HERC1: variants seen among roughly 807,000 people sequenced by gnomAD.
HERC1 encodes probable E3 ubiquitin-protein ligase HERC1.
Under a neutral mutation model 554.3 loss-of-function variants are expected in HERC1, and 160 were observed. The observed-to-expected ratio is 0.29, with a 90% confidence interval of 0.25 to 0.33. HERC1 has a LOEUF of 0.33. HERC1 is among the 10% of genes least tolerant of loss of function. The pLI, the probability that HERC1 is intolerant of heterozygous loss-of-function variation, is 1.00. For missense variants in HERC1, 4,919 were observed against 5,918.5 expected, an observed-to-expected ratio of 0.83 and a Z score of 5.54; for synonymous variants, 2,175 against 2,131.7, an observed-to-expected ratio of 1.02 and a Z score of -0.56.
intron 71 of HERC1, among the ~76,000 whole-genome samples, chr15:63,624,781 T>C (rs2068229239): frequency 6.6e-6 from 1 of 152,332 alleles, no homozygotes; most frequent in East Asian, 1.9e-4. Flanking sequence ...GAACTATTAG[T>C]AACCTTTAAA....
intron 67 of HERC1, among the ~76,000 whole-genome samples, chr15:63,633,587 G>GAGT (rs1282647093): frequency 6.6e-6 from 1 of 152,134 alleles, no homozygotes; most frequent in Non-Finnish European, 1.5e-5. Flanking sequence ...CCCTACATCA[G>GAGT]AGGTCCTACA....
rs964418556 is a variant in HERC1 at position 63,734,189 on chromosome 15, GA to G, written c.2646+534del. Among the ~76,000 whole-genome samples the G allele has an allele frequency of 3.9e-5, 6 of 152,070 alleles. No homozygotes were observed. The highest frequency in any genetic ancestry group is 8.8e-5 in the Non-Finnish European group (6 of 67,974). ...CTCCAAAAAAAGATTTAAAAAGAAAGAAAAGTATCAGTAAATATTACACTGC... is the reference window on the plus strand; with the variant it reads ...CTCCAAAAAAAGATTTAAAAAGAAAGAAAGTATCAGTAAATATTACACTGC... On this transcript the variant is annotated intron_variant, in intron 13 of 77. Transcript: ENST00000443617. This position sits in a 1 kb window ranked among gnomAD's most constrained non-coding sequence, Gnocchi z 4.6.
chr15:63,703,411 T>C (rs966344525), intron 25 of HERC1, among the ~76,000 whole-genome samples: 9 of 152,206 alleles, frequency 5.9e-5, no homozygotes, highest in African/African-American at 1.4e-4. Flanking sequence ...TATACACCCA[T>C]TGTCATTTAT....
At chr15:63,658,148 T>A (rs2070152141) in intron 48 of HERC1, among the ~76,000 whole-genome samples, 2 of 152,156 alleles carry the variant, frequency 1.3e-5, no homozygotes, top group Admixed American at 1.3e-4. Context: ...CTCATCCCCT[T>A]TTTACATTAC....
intron 1 of HERC1, among the ~76,000 whole-genome samples, chr15:63,809,152 T>C (rs1323545828): frequency 1.3e-5 from 2 of 151,952 alleles, no homozygotes; most frequent in South Asian, 2.1e-4. Context: ...TCAAAAGAAA[T>C]AGGGATGGAG....
chr15:63,833,308 G>A lies in HERC1; in HGVS notation c.-27+519C>T, dbSNP rs560830922. Among the ~76,000 whole-genome samples the A allele has an allele frequency of 2.1e-3, 323 of 152,340 alleles. 1 individual carries two copies. The highest frequency in any genetic ancestry group is 3.7e-3 in the Non-Finnish European group (249 of 68,022). ...CCTCACCCAAAGGCAGAGGAGAGGA[G>A]GAAGACACGTCGTCCCAGCCTCCAC... On this transcript the variant is annotated intron_variant, in intron 1 of 77. Transcript: ENST00000443617.
At chr15:63,672,428 A>C in intron 39 of HERC1, 68 bp downstream of exon 39, 1 of 1,122,910 alleles carries the variant, frequency 8.9e-7, no homozygotes, top group Non-Finnish European at 1.3e-6. Flanking sequence ...TACTATTCAT[A>C]TGAGGACAAC....
At chr15:63,732,344 A>G (rs1364035080) in intron 14 of HERC1, among the ~76,000 whole-genome samples, 2 of 152,184 alleles carry the variant, frequency 1.3e-5, no homozygotes, top group African/African-American at 4.8e-5. Context: ...ATTCTTTAAT[A>G]TAAAGAAGTT....
intron 2 of HERC1, among the ~76,000 whole-genome samples, chr15:63,771,081 G>A (rs951479614): frequency 4.6e-5 from 7 of 151,856 alleles, no homozygotes; most frequent in Non-Finnish European, 7.4e-5. Context: ...CCCAGCTACT[G>A]GGGAGGCTGA....
At chr15:63,760,131 A>G (rs1354341240) in intron 3 of HERC1, among the ~76,000 whole-genome samples, 1 of 152,124 alleles carries the variant, frequency 6.6e-6, no homozygotes, top group East Asian at 1.9e-4. Flanking sequence ...TGAACTGGAT[A>G]GGGACAACAG....
intron 74 of HERC1, among the ~76,000 whole-genome samples, chr15:63,617,006 C>CTT (rs569316030): frequency 1.9e-4 from 28 of 144,130 alleles, no homozygotes; most frequent in African/African-American, 7.1e-4. Context: ...AAATCATTAT[C>CTT]TTTTTTTTTT....
chr15:63,827,693 A>C (rs975579791), intron 1 of HERC1, among the ~76,000 whole-genome samples: 3 of 152,218 alleles, frequency 2.0e-5, no homozygotes, highest in Non-Finnish European at 2.9e-5. Flanking sequence ...ATTGTACATG[A>C]ATGTACAAAA....
At chr15:63,771,088 C>G (rs573884054) in intron 2 of HERC1, among the ~76,000 whole-genome samples, 3 of 151,912 alleles carry the variant, frequency 2.0e-5, no homozygotes, top group Non-Finnish European at 4.4e-5. Flanking sequence ...ACTGGGGAGG[C>G]TGAGGCACGA....
chr15:63,736,498 T>C (rs1222114597), intron 12 of HERC1, among the ~76,000 whole-genome samples: 1 of 152,194 alleles, frequency 6.6e-6, no homozygotes, highest in Non-Finnish European at 1.5e-5. Context: ...CATGAAATAT[T>C]ACCTTCCCCT....
At chr15:63,651,919 C>T (rs2069706241) in intron 52 of HERC1, among the ~76,000 whole-genome samples, 1 of 151,998 alleles carries the variant, frequency 6.6e-6, no homozygotes, top group South Asian at 2.1e-4. Flanking sequence ...ACCTGTAGTC[C>T]CAGCTTCTTG....
rs1377057080 is a variant in HERC1 at position 63,637,509 on chromosome 15, T to C, written c.12228A>G (p.Leu4076=). 8 of 1,568,226 alleles carry C rather than the reference T, an allele frequency of 5.1e-6. No homozygotes were observed. The highest frequency in any genetic ancestry group is 6.9e-6 in the Non-Finnish European group (8 of 1,154,810). The part of the protein sequence containing the change: ...DLHVLTVISA[L]QGFVVTQLVT... ...TTTTATTAAGGACAATTTTACCTTG[T>C]AAGGCTGAAATAACTGTCAGCACAT... The change falls in exon 64 of 78, where the codon TTA becomes TTG. Residue 4076 remains leucine (L), a synonymous_variant. Transcript: ENST00000443617.
Position 63,654,169 on chromosome 15 carries a change from C to T in HERC1, c.10240G>A (p.Gly3414Arg). The stretch of plus-strand genomic sequence containing the variant: ...ATAAAGGAGCATTTTCTAAGATCTC[C>T]TCCCATATCAGCAAGTGTCTGCAGA... Reference protein sequence around the residue: ...TTLQTLADMGGDLRKCSFIKL... With the variant: ...TTLQTLADMGRDLRKCSFIKL... The change falls in exon 51 of 78, where the codon GGA (glycine) becomes AGA (arginine). Residue 3414 changes from glycine to arginine, a missense_variant. Physicochemically the swap from Gly to Arg is moderately radical, Grantham distance 125. Around this residue, in one of 11 missense-constraint regions of HERC1, gnomAD observed 1,963 missense variants for 2,228.6 expected, o/e 0.88. Coordinates refer to ENST00000443617, the MANE Select transcript of HERC1 (RefSeq NM_003922.4). 6.2e-7 allele frequency: 1 copy of T among 1,614,022 alleles called. No homozygotes were observed. The highest frequency in any genetic ancestry group is 8.5e-7 in the Non-Finnish European group (1 of 1,179,870).
intron 68 of HERC1, among the ~76,000 whole-genome samples, chr15:63,631,788 G>A (rs775586151): frequency 3.3e-5 from 5 of 152,124 alleles, no homozygotes; most frequent in Non-Finnish European, 7.4e-5. Flanking sequence ...TGATCCACCC[G>A]CCTCGGCCTC....
chr15:63,673,297 G>C (rs1481030115), intron 38 of HERC1, among the ~76,000 whole-genome samples: 1 of 151,882 alleles, frequency 6.6e-6, no homozygotes, highest in Non-Finnish European at 1.5e-5. Context: ...AATTCTATTA[G>C]GTTTGATAAA....
Sources: allele counts gnomAD v4.1 joint callset (sites outside exome capture counted in the v4.1 genomes callset), GRCh38; gene constraint gnomAD v4.1.1; regional missense constraint gnomAD v4.1.1; non-coding constraint Gnocchi (gnomAD v3.1); transcripts MANE v1.5; gene names NCBI Gene and HGNC (gene_info 2026-07-23, HGNC 2026-07-21).